YWHAG: variants seen among roughly 807,000 people sequenced by gnomAD.
YWHAG encodes the protein 14-3-3 protein gamma.
A neutral mutation model predicts 23.3 loss-of-function variants in YWHAG; 1 was observed. The ratio of observed to expected loss-of-function variants is 0.04; its 90% CI spans 0.02 to 0.20. The LOEUF is 0.20. Ranked by LOEUF, YWHAG falls within the 10% of genes least tolerant of loss-of-function variation. The pLI, the probability that YWHAG is intolerant of heterozygous loss-of-function variation, is 1.00. For missense variants in YWHAG, 151 were observed against 338.6 expected (o/e 0.45, Z 4.35); for synonymous variants, 160 against 144.0 (o/e 1.11, Z -0.80).
intron 1 of YWHAG, among the ~76,000 whole-genome samples, chr7:76,342,883 T>C (rs1412577121): frequency 6.6e-6 from 1 of 152,062 alleles, no homozygotes. Flanking sequence ...ACACCTGTAA[T>C]CCCACCACTT....
At chr7:76,343,799 G>A (rs1406092961) in intron 1 of YWHAG, among the ~76,000 whole-genome samples, 1 of 152,178 alleles carries the variant, frequency 6.6e-6, no homozygotes, top group Non-Finnish European at 1.5e-5. Flanking sequence ...CCACCACCAC[G>A]TGAAGAAGCC....
chr7:76,340,090 GAAAAC>G (rs1245140177), intron 1 of YWHAG, among the ~76,000 whole-genome samples: 1 of 151,906 alleles, frequency 6.6e-6, no homozygotes, highest in Non-Finnish European at 1.5e-5. Context: ...CTCCATCTCA[GAAAAC>G]AAAACAAAAC....
intron 1 of YWHAG, among the ~76,000 whole-genome samples, chr7:76,348,821 T>G (rs1029872721): frequency 6.6e-6 from 1 of 151,668 alleles, no homozygotes; most frequent in African/African-American, 2.4e-5. Context: ...AATACAGGCG[T>G]GAGTCAGCCA....
intron 1 of YWHAG, among the ~76,000 whole-genome samples, chr7:76,358,374 G>C (rs1359155943): frequency 1.3e-5 from 2 of 152,186 alleles, no homozygotes; most frequent in Admixed American, 1.3e-4. Flanking sequence ...GAGGGGGGAA[G>C]TGGGGCACAA....
At chr7:76,351,045 G>T (rs1454692349) in intron 1 of YWHAG, among the ~76,000 whole-genome samples, 2 of 152,180 alleles carry the variant, frequency 1.3e-5, no homozygotes, top group African/African-American at 4.8e-5. Flanking sequence ...ATGATGTCAA[G>T]TGAAAAAAGC....
intron 1 of YWHAG, among the ~76,000 whole-genome samples, chr7:76,343,685 G>A (rs1803733967): frequency 1.3e-5 from 2 of 152,122 alleles, no homozygotes; most frequent in African/African-American, 4.8e-5. Context: ...TCCATAATCT[G>A]AACTTGGTCA....
In YWHAG at chr7:76,329,489, T is replaced by TGCCCCCCCCCCCCCCCCC; in HGVS notation, c.*87_*88insGGGGGGGGGGGGGGGGGC. On this transcript the variant is annotated 3_prime_UTR_variant, in exon 2 of 2. Coordinates refer to ENST00000307630, the MANE Select transcript of YWHAG (RefSeq NM_012479.4). This position sits in a 1 kb window ranked among gnomAD's most constrained non-coding sequence, Gnocchi z 6.1. ...TCCCTGGGAAGGTCATCCCTCCCTT[T>TGCCCCCCCCCCCCCCCCC]CCCTCCCCCACCCGACCCCCAACTC... is the stretch of plus-strand genomic sequence containing the variant. 2.0e-6 allele frequency: 2 copies of TGCCCCCCCCCCCCCCCCC among 1,024,228 alleles called. No homozygotes were observed. Among genetic ancestry groups the TGCCCCCCCCCCCCCCCCC allele is most frequent in the Non-Finnish European group, 2.7e-6 (2 of 740,082 alleles). 63.4% of individuals were successfully genotyped at this position (1,024,228 alleles called of 1,614,324 possible).
intron 1 of YWHAG, among the ~76,000 whole-genome samples, chr7:76,355,423 C>G (rs1296990419): frequency 6.6e-6 from 1 of 152,140 alleles, no homozygotes; most frequent in African/African-American, 2.4e-5. Context: ...CCAAAATAAT[C>G]AGAAAAAGCA....
rs1285242137 is a variant in YWHAG at position 76,327,396 on chromosome 7, C to T, written c.*2181G>A. 5 of 152,248 alleles carry T rather than the reference C, an allele frequency of 3.3e-5. No individual in the cohort carries two copies. Among genetic ancestry groups the T allele is most frequent in the East Asian group, 1.9e-4 (1 of 5,188 alleles). The allele number at this position is 152,248 out of a possible 1,614,324, so 9.4% of individuals were successfully genotyped here. A position where few individuals can be genotyped will look rare whatever the true frequency, so the allele number is the denominator to read the frequency against. ...AGGAGTAATCATTTCACTGGAGAGACAGTATCATAGGCAAGTGCATTTCTT... is the reference window on the plus strand; with the variant it reads ...AGGAGTAATCATTTCACTGGAGAGATAGTATCATAGGCAAGTGCATTTCTT... On this transcript the variant is annotated 3_prime_UTR_variant, in exon 2 of 2. Coordinates refer to ENST00000307630, the MANE Select transcript of YWHAG (RefSeq NM_012479.4).
intron 1 of YWHAG, among the ~76,000 whole-genome samples, chr7:76,350,534 T>C (rs1177195747): frequency 6.6e-6 from 1 of 152,108 alleles, no homozygotes; most frequent in Non-Finnish European, 1.5e-5. Flanking sequence ...TTTTGCACCA[T>C]CATAAAGTTG....
At chr7:76,335,308 G>C (rs1803601182) in intron 1 of YWHAG, among the ~76,000 whole-genome samples, 1 of 151,988 alleles carries the variant, frequency 6.6e-6, no homozygotes, top group African/African-American at 2.4e-5. Flanking sequence ...CGCCCGCCTC[G>C]GCCTCCCAAA....
intron 1 of YWHAG, among the ~76,000 whole-genome samples, chr7:76,349,188 A>G (rs927210732): frequency 2.0e-5 from 3 of 151,844 alleles, no homozygotes; most frequent in Middle Eastern, 3.4e-3. Context: ...TAAAAATACA[A>G]AAAGTTAGCC....
rs71085403 is a variant in YWHAG, at chr7:76,327,668, G to GCCCCCCCCCCC, written c.*1898_*1908dup. 69 of 47,110 alleles carry GCCCCCCCCCCC rather than the reference G, an allele frequency of 1.5e-3. No individual in the cohort carries two copies. The highest frequency in any genetic ancestry group is 0.01 in the Middle Eastern group (1 of 98). 2.9% of individuals were successfully genotyped at this position (47,110 alleles called of 1,614,324 possible). On this transcript the variant is annotated 3_prime_UTR_variant, in exon 2 of 2. Transcript: ENST00000307630. ...AATTAGGGAAAGCCCCACCTACCCT[G>GCCCCCCCCCCC]CCCCCCCCCCCCTCCCCCCCCAAAT...
intron 1 of YWHAG, 80 bp from the exon 2 acceptor site, chr7:76,330,313 G>A: frequency 2.2e-6 from 3 of 1,394,616 alleles, no homozygotes; most frequent in Non-Finnish European, 2.9e-6. Context: ...CACTAGAACA[G>A]AGCTCTGTTG....
chr7:76,336,270 A>C (rs529498673), intron 1 of YWHAG, among the ~76,000 whole-genome samples: 169 of 152,234 alleles, frequency 1.1e-3, no homozygotes, highest in Non-Finnish European at 2.1e-3. Flanking sequence ...GTAGATCACC[A>C]AGAGTGAGCT....
intron 1 of YWHAG, among the ~76,000 whole-genome samples, chr7:76,344,885 G>A (rs1010103243): frequency 1.3e-5 from 2 of 152,120 alleles, no homozygotes; most frequent in Non-Finnish European, 2.9e-5. Context: ...TTCTCTCTTA[G>A]CACGTTCCCT....
intron 1 of YWHAG, among the ~76,000 whole-genome samples, chr7:76,335,236 T>TA (rs1803599971): frequency 6.6e-6 from 1 of 152,150 alleles, no homozygotes; most frequent in East Asian, 1.9e-4. Context: ...TTTTGTACTT[T>TA]TAATAGAGAC....
chr7:76,333,695 C>T (rs1242172748), intron 1 of YWHAG, among the ~76,000 whole-genome samples: 2 of 152,226 alleles, frequency 1.3e-5, no homozygotes, highest in Admixed American at 6.5e-5. Flanking sequence ...AGCCCTTGGG[C>T]GCTGCTGCCA....
Position 76,358,829 on chromosome 7 carries a change from C to A in YWHAG, c.-21G>T. 6.3e-7 allele frequency: 1 copy of A among 1,582,428 alleles called. No individual in the cohort carries two copies. The highest frequency in any genetic ancestry group is 8.6e-7 in the Non-Finnish European group (1 of 1,165,450). On this transcript the variant is annotated 5_prime_UTR_variant, in exon 1 of 2. Transcript: ENST00000307630. ...ACCATCTTCGCGGGGCTGGGTCTGG[C>A]CGGAGAAGGAGGAGGACACTGGGGC...
Sources: allele counts gnomAD v4.1 joint callset (sites outside exome capture counted in the v4.1 genomes callset), GRCh38; gene constraint gnomAD v4.1.1; non-coding constraint Gnocchi (gnomAD v3.1); transcripts MANE v1.5; gene names NCBI Gene and HGNC (gene_info 2026-07-23, HGNC 2026-07-21).